Variants in SLC35D1 observed in about 807,000 individuals in gnomAD.
The protein encoded by SLC35D1 is solute carrier family 35 member D1.
Under a neutral mutation model 46.7 loss-of-function variants are expected in SLC35D1, and 31 were observed. That is an observed-to-expected ratio of 0.66 (90% CI 0.50 to 0.90). The LOEUF (loss-of-function observed/expected upper bound fraction) is 0.90, where lower values mean the gene tolerates loss of function less well. Ranked by LOEUF, SLC35D1 falls within the 40% of genes least tolerant of loss-of-function variation. SLC35D1 has a pLI of 0.00. For missense variants in SLC35D1, 397 were observed against 426.2 expected (o/e 0.93, Z 0.60); for synonymous variants, 195 against 164.6 (o/e 1.18, Z -1.41).
At position 67,047,281 on chromosome 1, in the gene SLC35D1, T is replaced by C; in HGVS notation, c.620A>G (p.Gln207Arg). The change falls in exon 7 of 12, where the codon CAA becomes CGA. Residue 207 changes from glutamine (Q) to arginine (R), a missense_variant. Gln to Arg is a conservative substitution (Grantham distance 43). Coordinates refer to ENST00000235345, the MANE Select transcript of SLC35D1 (RefSeq NM_015139.3). The part of the protein sequence containing the change: ...LTAANGAYVK[Q>R]KLDSKELGKY... ...GCTACTTACTTTTGAATCTAATTTT[T>C]GTTTTACGTATGCACCATTTGCTGC... is the stretch of plus-strand genomic sequence containing the variant. 6.2e-7 allele frequency: 1 copy of C among 1,613,220 alleles called. No homozygotes were observed. Among genetic ancestry groups the C allele is most frequent in the Non-Finnish European group, 8.5e-7 (1 of 1,179,736 alleles).
chr1:67,018,713 C>G (rs1380789959), intron 10 of SLC35D1, among the ~76,000 whole-genome samples: 1 of 152,066 alleles, frequency 6.6e-6, no homozygotes, highest in African/African-American at 2.4e-5. Flanking sequence ...GAATGCTGAC[C>G]GAAGGATTTG....
chr1:67,052,195 A>G, intron 3 of SLC35D1, 116 bp from the exon 4 acceptor site: 1 of 750,428 alleles, frequency 1.3e-6, no homozygotes. Flanking sequence ...TTAAAACGTA[A>G]AATTAGTTAT....
At chr1:66,993,457 C>A in the SLC35D1 span, among the ~76,000 whole-genome samples, 1 of 152,090 alleles carries the variant, frequency 6.6e-6, no homozygotes, top group Non-Finnish European at 1.5e-5. Flanking sequence ...GTAACCTTAG[C>A]AAAGAACTGG....
intron 6 of SLC35D1, among the ~76,000 whole-genome samples, chr1:67,047,583 C>T (rs1158423497): frequency 6.6e-6 from 1 of 152,194 alleles, no homozygotes; most frequent in Non-Finnish European, 1.5e-5. Context: ...AACATTTAAA[C>T]ACATAATTAG....
rs1263194317 is a variant in SLC35D1 at position 67,004,163 on chromosome 1, A to G, written c.*177T>C. On this transcript the variant is annotated 3_prime_UTR_variant, in exon 12 of 12. Coordinates refer to ENST00000235345, the MANE Select transcript of SLC35D1 (RefSeq NM_015139.3). ...CAACATATTTAAAATAGAGTCAATT[A>G]TAAGTTTCTCTCTTCATAAAATTTT... 6 of 627,896 alleles carry G rather than the reference A, an allele frequency of 9.6e-6. No homozygotes were observed. Among genetic ancestry groups the G allele is most frequent in the Middle Eastern group, 2.7e-4 (1 of 3,718 alleles). 38.9% of individuals were successfully genotyped at this position (627,896 alleles called of 1,614,324 possible).
In SLC35D1 at chr1:67,004,339, G is replaced by A. The variant is rs1318490761; in HGVS notation, c.*1C>T. The A allele has an allele frequency of 6.2e-7, 1 of 1,613,410 alleles. No homozygotes were observed. Among genetic ancestry groups the A allele is most frequent in the South Asian group, 1.1e-5 (1 of 91,064 alleles). Reference sequence around the variant, plus strand: ...ACGTATCAGATGAAGCAATCCTCTGGTCACACTGCTCCTTTCCCCTTAATG... The same window carrying A: ...ACGTATCAGATGAAGCAATCCTCTGATCACACTGCTCCTTTCCCCTTAATG... On this transcript the variant is annotated 3_prime_UTR_variant, in exon 12 of 12. Transcript: ENST00000235345.
chr1:66,993,046 T>C, the SLC35D1 span, among the ~76,000 whole-genome samples: 1 of 152,374 alleles, frequency 6.6e-6, no homozygotes, highest in Non-Finnish European at 1.5e-5. Context: ...GTCAGGTCTT[T>C]GTGTTTAGGG....
intron 8 of SLC35D1, among the ~76,000 whole-genome samples, chr1:67,031,221 CTG>C (rs1668011032): frequency 6.6e-6 from 1 of 151,914 alleles, no homozygotes; most frequent in African/African-American, 2.4e-5. Context: ...AGTATTTGGC[CTG>C]TCTCTGGAGA....
chr1:66,984,338 C>T, the SLC35D1 span, among the ~76,000 whole-genome samples: 3 of 152,104 alleles, frequency 2.0e-5, no homozygotes, highest in African/African-American at 7.2e-5. Flanking sequence ...TTCACAACAA[C>T]CCTGTGAGGA....
chr1:67,026,560 CCAGTGAAG>C, intron 8 of SLC35D1, among the ~76,000 whole-genome samples: 1 of 152,154 alleles, frequency 6.6e-6, no homozygotes, highest in Non-Finnish European at 1.5e-5. Flanking sequence ...GTCAAATTCT[CCAGTGAAG>C]CAATCAGGGC....
At chr1:66,980,609 A>C in the SLC35D1 span, among the ~76,000 whole-genome samples, 3 of 152,216 alleles carry the variant, frequency 2.0e-5, no homozygotes, top group Non-Finnish European at 4.4e-5. Context: ...TACCCTGCTC[A>C]CAAAATTCTA....
the SLC35D1 span, among the ~76,000 whole-genome samples, chr1:66,977,970 G>A: frequency 5.9e-5 from 9 of 151,926 alleles, no homozygotes; most frequent in Admixed American, 5.3e-4. Context: ...AGGCTGAGGC[G>A]GGTGGATCAC....
At chr1:66,988,902 T>G in the SLC35D1 span, among the ~76,000 whole-genome samples, 1 of 152,180 alleles carries the variant, frequency 6.6e-6, no homozygotes, top group Non-Finnish European at 1.5e-5. Context: ...AGCAAAGTGT[T>G]AATGGTAGAA....
intron 1 of SLC35D1, 83 bp downstream of exon 1, chr1:67,053,724 GCAGT>G: frequency 3.2e-6 from 4 of 1,244,698 alleles, no homozygotes; most frequent in South Asian, 3.9e-5. Context: ...TTTAACTTTG[GCAGT>G]CAAAGTCCAG....
Position 67,013,370 on chromosome 1 carries a change from A to C in SLC35D1, c.877-4203T>G, listed in dbSNP as rs955947059. On this transcript the variant is annotated intron_variant, in intron 10 of 11. Transcript: ENST00000235345. ...AAGACTAGCCTGGGCAACATGGCAAAACCCTGTTTCTATAAAAAATAAAAT... is the reference window on the plus strand; with the variant it reads ...AAGACTAGCCTGGGCAACATGGCAACACCCTGTTTCTATAAAAAATAAAAT... Among the ~76,000 whole-genome samples, 19 of 150,972 alleles carry C rather than the reference A, an allele frequency of 1.3e-4. 1 individual carries two copies. Among genetic ancestry groups the C allele is most frequent in the Admixed American group, 7.3e-4 (11 of 15,144 alleles).
chr1:66,984,949 A>C, the SLC35D1 span: 1 of 1,518,450 alleles, frequency 6.6e-7, no homozygotes, highest in East Asian at 2.3e-5. Context: ...GTGTGACTAA[A>C]ATTTTCAGGG....
At chr1:66,993,140 AAG>A in the SLC35D1 span, among the ~76,000 whole-genome samples, 8 of 152,216 alleles carry the variant, frequency 5.3e-5, no homozygotes, top group Admixed American at 5.2e-4. Flanking sequence ...AACTCTAGAA[AAG>A]AGAAATTCCC....
At chr1:67,008,534 C>G in intron 11 of SLC35D1, 1 of 1,065,810 alleles carries the variant, frequency 9.4e-7, no homozygotes, top group South Asian at 1.4e-5. Flanking sequence ...TGGAACGTGC[C>G]GAACTGCTTC....
the SLC35D1 span, among the ~76,000 whole-genome samples, chr1:66,977,714 T>C: frequency 1.3e-5 from 2 of 152,198 alleles, no homozygotes; most frequent in African/African-American, 4.8e-5. Context: ...CCCTTGTCTT[T>C]CATGAATTGC....
Sources: gnomAD v4.1 joint callset for allele counts (sites outside exome capture counted in the v4.1 genomes callset) on GRCh38, gnomAD v4.1.1 for gene constraint, MANE v1.5 for transcripts, NCBI Gene and HGNC (gene_info 2026-07-23, HGNC 2026-07-21) for gene names.